ANKRD11: variants seen among roughly 807,000 people sequenced by gnomAD.
The protein encoded by ANKRD11 is ankyrin repeat domain-containing protein 11.
ANKRD11 carries 17 observed loss-of-function variants against 195.7 expected under a neutral mutation model. The observed-to-expected ratio is 0.09, with a 90% CI of 0.06 to 0.13. The LOEUF is 0.13. ANKRD11 is among the 10% of genes least tolerant of loss of function. The pLI is 1.00. For missense variants in ANKRD11, 3,735 were observed against 3,566.1 expected (o/e 1.05, Z -1.21); for synonymous variants, 1,953 against 1,528.1 (o/e 1.28, Z -6.49).
At chr16:89,315,895 A>G (rs1161427378) in intron 3 of ANKRD11, among the ~76,000 whole-genome samples, 1 of 151,982 alleles carries the variant, frequency 6.6e-6, no homozygotes, top group African/African-American at 2.4e-5. Context: ...ATGAGCAGAG[A>G]GGCTGCAGCA....
At chr16:89,395,147 C>T (rs2041370072) in intron 2 of ANKRD11, among the ~76,000 whole-genome samples, 1 of 152,256 alleles carries the variant, frequency 6.6e-6, no homozygotes, top group Admixed American at 6.5e-5. Context: ...AACACCACCA[C>T]TCAAACGATC....
intron 2 of ANKRD11, among the ~76,000 whole-genome samples, chr16:89,383,338 G>A (rs1032322921): frequency 1.3e-5 from 2 of 152,254 alleles, no homozygotes; most frequent in South Asian, 4.1e-4. Context: ...CTCTGGAGGG[G>A]CAGCAGCAGC....
chr16:89,290,928 A>AG (rs2035020097), intron 5 of ANKRD11, 85 bp downstream of exon 5: 2 of 1,609,770 alleles, frequency 1.2e-6, no homozygotes, highest in African/African-American at 1.3e-5. Context: ...CCCTTTGCAC[A>AG]GGGCTTGTCC....
At chr16:89,304,568 A>G (rs1379756363) in intron 4 of ANKRD11, among the ~76,000 whole-genome samples, 1 of 151,072 alleles carries the variant, frequency 6.6e-6, no homozygotes, top group East Asian at 1.9e-4. Flanking sequence ...GCACACACAT[A>G]CATGGGTACA....
rs1474991788 is a variant in ANKRD11 at position 89,282,369 on chromosome 16, C to T, written c.4173G>A (p.Gln1391=). ...CCGCCTCCAGGAAGTCCTTTTCGTA[C>T]TGGCCGGAGTCCTTCCTGCTACCGC... is the stretch of plus-strand genomic sequence containing the variant. ...KEGGSRKDSG[Q]YEKDFLEADA... is the part of the protein sequence containing the mutation. The change falls in exon 9 of 13, where the codon CAG becomes CAA. Residue 1391 remains glutamine (Q), a synonymous_variant. Coordinates refer to ENST00000301030, the MANE Select transcript of ANKRD11 (RefSeq NM_013275.6). The T allele has an allele frequency of 6.2e-7, 1 of 1,614,218 alleles. No homozygotes were observed. The highest frequency in any genetic ancestry group is 8.5e-7 in the Non-Finnish European group (1 of 1,180,042).
intron 1 of ANKRD11, among the ~76,000 whole-genome samples, chr16:89,481,051 C>G (rs2152373038): frequency 6.6e-6 from 1 of 152,324 alleles, no homozygotes; most frequent in East Asian, 1.9e-4. Flanking sequence ...ACCCCGTTCC[C>G]CATTCCTGCT....
intron 2 of ANKRD11, among the ~76,000 whole-genome samples, chr16:89,370,407 T>C (rs1306117889): frequency 6.6e-6 from 1 of 152,120 alleles, no homozygotes; most frequent in Non-Finnish European, 1.5e-5. Context: ...GTTAGGATCC[T>C]ACAGGATCCT....
At chr16:89,426,831 G>GT (rs1406220148) in intron 1 of ANKRD11, among the ~76,000 whole-genome samples, 1 of 152,214 alleles carries the variant, frequency 6.6e-6, no homozygotes, top group East Asian at 1.9e-4. Flanking sequence ...GGAAGCGGCT[G>GT]TTTCACTTCA....
chr16:89,407,579 G>A (rs1235775718), intron 2 of ANKRD11, among the ~76,000 whole-genome samples: 1 of 152,198 alleles, frequency 6.6e-6, no homozygotes, highest in Non-Finnish European at 1.5e-5. Context: ...CAAGCACTTT[G>A]GGAGGCCGAG....
intron 12 of ANKRD11, chr16:89,270,161 C>T (rs1463066088): frequency 1.9e-5 from 3 of 160,358 alleles, no homozygotes; most frequent in African/African-American, 7.2e-5. Flanking sequence ...CCGGGTAGGG[C>T]TGGTGGTTCT....
At chr16:89,316,287 C>G (rs1361231252) in intron 3 of ANKRD11, among the ~76,000 whole-genome samples, 1 of 152,180 alleles carries the variant, frequency 6.6e-6, no homozygotes, top group Non-Finnish European at 1.5e-5. Context: ...GAACCTGGAT[C>G]TGTCCAAGTT....
At chr16:89,356,602 T>G (rs1461402112) in intron 2 of ANKRD11, among the ~76,000 whole-genome samples, 7 of 144,980 alleles carry the variant, frequency 4.8e-5, no homozygotes. Context: ...AAACCCCATC[T>G]CTACTAAAAA....
At chr16:89,387,714 T>C (rs2040983914) in intron 2 of ANKRD11, among the ~76,000 whole-genome samples, 2 of 141,354 alleles carry the variant, frequency 1.4e-5, no homozygotes, top group South Asian at 4.5e-4. Context: ...AAAAAAAGAC[T>C]GTGCTTGGCC....
chr16:89,425,008 G>C (rs1597364951), intron 1 of ANKRD11, among the ~76,000 whole-genome samples: 2 of 151,908 alleles, frequency 1.3e-5, no homozygotes, highest in Non-Finnish European at 1.5e-5. Flanking sequence ...CATTCGAAGA[G>C]AGGAGGAGAC....
intron 2 of ANKRD11, among the ~76,000 whole-genome samples, chr16:89,383,215 G>T (rs2040742188): frequency 6.6e-6 from 1 of 152,170 alleles, no homozygotes; most frequent in East Asian, 1.9e-4. Context: ...GAAGAGGGAG[G>T]AGCCACAAGA....
At chr16:89,300,782 C>T (rs1465531085) in intron 4 of ANKRD11, 6 of 677,432 alleles carry the variant, frequency 8.9e-6, no homozygotes, top group Non-Finnish European at 1.6e-5. Context: ...CTGCAGAGAG[C>T]ACACCCCAGG....
chr16:89,311,952 C>T (rs1053459558), intron 3 of ANKRD11, among the ~76,000 whole-genome samples: 3 of 152,180 alleles, frequency 2.0e-5, no homozygotes, highest in Non-Finnish European at 2.9e-5. Context: ...GGCTGGAGTG[C>T]GGTGATGCGA....
At chr16:89,327,671 T>C (rs2037807209) in intron 2 of ANKRD11, among the ~76,000 whole-genome samples, 1 of 150,566 alleles carries the variant, frequency 6.6e-6, no homozygotes, top group Non-Finnish European at 1.5e-5. Context: ...ATTCTATTTC[T>C]ACATGCTAGC....
chr16:89,443,585 C>T (rs1200654941), intron 1 of ANKRD11, among the ~76,000 whole-genome samples: 4 of 152,176 alleles, frequency 2.6e-5, no homozygotes, highest in Admixed American at 2.0e-4. Context: ...AGACACATAC[C>T]TACTAGCTGC....
Sources: allele counts gnomAD v4.1 joint callset (sites outside exome capture counted in the v4.1 genomes callset), GRCh38; gene constraint gnomAD v4.1.1; transcripts MANE v1.5; gene names NCBI Gene and HGNC (gene_info 2026-07-23, HGNC 2026-07-21).